The following MYO3A variants were observed in gnomAD, a reference collection of about 807,000 sequenced individuals.
MYO3A encodes the protein myosin IIIA, also known as myosin-IIIa.
In MYO3A, 180 loss-of-function variants were observed where a neutral mutation model predicts 192.7. That is an observed-to-expected ratio of 0.93 (90% CI 0.83 to 1.06). MYO3A has a LOEUF of 1.06. MYO3A is among the 50% of genes least tolerant of loss of function. The pLI, the probability that MYO3A is intolerant of heterozygous loss-of-function variation, is 0.00. For synonymous variants in MYO3A, 628 were observed against 645.3 expected (o/e 0.97, Z 0.41); for missense variants, 1,896 against 1,905.0 (o/e 1.00, Z 0.09).
chr10:26,202,614 A>G (rs1843725371), intron 33 of MYO3A: 1 of 275,408 alleles, frequency 3.6e-6, no homozygotes, highest in Non-Finnish European at 7.0e-6. Context: ...AGCTTTTCTG[A>G]TAATGGCCTA....
chr10:26,147,385 G>T, intron 22 of MYO3A, 45 bp from the exon 23 acceptor site: 1 of 1,555,276 alleles, frequency 6.4e-7, no homozygotes, highest in South Asian at 1.1e-5. Context: ...GGAGGAGGAT[G>T]ACAATGACAT....
rs958805051 is a variant in MYO3A at position 26,081,798 on chromosome 10, G to T, written c.1360-6405G>T. On this transcript the variant is annotated intron_variant, in intron 14 of 34. Coordinates refer to ENST00000642920, the MANE Select transcript of MYO3A (RefSeq NM_017433.5). ...CCAAATGGATTCAGTTCCGTGTAAA[G>T]CCAGAAACTTCTCCCACAAACAGAC... Among the ~76,000 whole-genome samples, 9 of 152,266 alleles carry T rather than the reference G, an allele frequency of 5.9e-5. No individual in the cohort carries two copies. In the South Asian group the frequency reaches 1.9e-3, roughly 32 times the overall value.
chr10:26,112,707 G>A (rs1262920023), intron 17 of MYO3A, among the ~76,000 whole-genome samples: 1 of 152,158 alleles, frequency 6.6e-6, no homozygotes, highest in African/African-American at 2.4e-5. Context: ...GTTCACGTGT[G>A]CATTTGTGAT....
intron 18 of MYO3A, among the ~76,000 whole-genome samples, chr10:26,122,086 C>T (rs1445293159): frequency 6.6e-6 from 1 of 152,112 alleles, no homozygotes; most frequent in African/African-American, 2.4e-5. Flanking sequence ...GAAAGAATAA[C>T]CCTACAACTC....
At position 26,145,494 on chromosome 10, in the gene MYO3A, G is replaced by T. The variant is rs753118301; in HGVS notation, c.2465G>T (p.Arg822Ile). 2 of 1,610,810 alleles carry T rather than the reference G, an allele frequency of 1.2e-6. No homozygotes were observed. Residue 822 changes from arginine (R) to isoleucine (I), a missense_variant, in exon 22 of 35, where the codon AGA becomes ATA. Transcript: ENST00000642920. ...LKSQYFWRPK[R>I]MELSFGIHHY... ...TCACAATACTTCTGGAGACCCAAAA[G>T]AATGGAACTTAGTTTTGGAATTCAC...
intron 30 of MYO3A, among the ~76,000 whole-genome samples, chr10:26,175,997 A>G (rs950463339): frequency 3.3e-5 from 5 of 152,180 alleles, no homozygotes; most frequent in African/African-American, 1.2e-4. Flanking sequence ...AAATCAGGGT[A>G]AAAGACTGGA....
intron 2 of MYO3A, among the ~76,000 whole-genome samples, chr10:25,948,104 G>A (rs1054694561): frequency 8.5e-5 from 13 of 152,160 alleles, no homozygotes; most frequent in Non-Finnish European, 1.6e-4. Flanking sequence ...AAGACTTGAA[G>A]GAAGTGAGGG....
chr10:26,001,427 T>G (rs1840804554), intron 6 of MYO3A, among the ~76,000 whole-genome samples: 1 of 152,244 alleles, frequency 6.6e-6, no homozygotes, highest in Admixed American at 6.5e-5. Flanking sequence ...CTGGGCCAGC[T>G]CTGCTGTGTC....
intron 28 of MYO3A, among the ~76,000 whole-genome samples, chr10:26,169,328 A>C (rs1378347552): frequency 6.6e-6 from 1 of 152,136 alleles, no homozygotes; most frequent in Non-Finnish European, 1.5e-5. Context: ...ACTTTACTTC[A>C]CATACTTTTA....
chr10:26,105,969 T>G (rs1252978030), intron 17 of MYO3A, among the ~76,000 whole-genome samples: 2 of 152,098 alleles, frequency 1.3e-5, no homozygotes, highest in African/African-American at 4.8e-5. Context: ...ATGCCTCTAT[T>G]TTAGCCATCA....
intron 31 of MYO3A, among the ~76,000 whole-genome samples, chr10:26,184,093 T>C (rs946343667): frequency 6.6e-6 from 1 of 152,110 alleles, no homozygotes; most frequent in African/African-American, 2.4e-5. Context: ...CCGTCGGTGC[T>C]AAAGGAAGGA....
intron 18 of MYO3A, among the ~76,000 whole-genome samples, chr10:26,121,700 G>A (rs543477598): frequency 2.0e-4 from 31 of 152,270 alleles, no homozygotes; most frequent in African/African-American, 7.2e-4. Flanking sequence ...GCAGTGAGCC[G>A]AGATCGTGCC....
intron 7 of MYO3A, among the ~76,000 whole-genome samples, chr10:26,018,640 C>T (rs539075250): frequency 2.5e-4 from 38 of 152,196 alleles, no homozygotes; most frequent in South Asian, 1.7e-3. Context: ...ATGAAGGTAA[C>T]AAGGGAATTA....
chr10:25,990,971 A>G (rs570125304), intron 4 of MYO3A, among the ~76,000 whole-genome samples: 2 of 152,058 alleles, frequency 1.3e-5, no homozygotes, highest in South Asian at 2.1e-4. Flanking sequence ...CGCAATAAAC[A>G]TATGTGTGCA....
intron 20 of MYO3A, among the ~76,000 whole-genome samples, chr10:26,132,668 T>TTG (rs1839608839): frequency 2.8e-5 from 1 of 35,724 alleles, no homozygotes; most frequent in Non-Finnish European, 7.6e-5. Context: ...TGAACTAAAG[T>TTG]TTTTTTTTTT....
At chr10:25,975,832 T>G (rs77078620) in intron 4 of MYO3A, among the ~76,000 whole-genome samples, 4,595 of 152,030 alleles carry the variant, frequency 0.03, 227 homozygotes, top group African/African-American at 0.1. Context: ...AGAATCAAAG[T>G]GGAAAAAAAT....
At chr10:26,014,903 T>C (rs1438120300) in intron 6 of MYO3A, among the ~76,000 whole-genome samples, 2 of 152,138 alleles carry the variant, frequency 1.3e-5, no homozygotes, top group Non-Finnish European at 2.9e-5. Flanking sequence ...TGAGCCACAA[T>C]AGAAAACACA....
intron 17 of MYO3A, 73 bp downstream of exon 17, chr10:26,096,755 G>T: frequency 9.5e-7 from 1 of 1,053,692 alleles, no homozygotes; most frequent in Non-Finnish European, 1.5e-6. Context: ...AGCATTTATT[G>T]AGTGATTAAT....
chr10:26,107,331 A>G (rs1050964560), intron 17 of MYO3A, among the ~76,000 whole-genome samples: 11 of 152,086 alleles, frequency 7.2e-5, no homozygotes, highest in African/African-American at 2.2e-4. Context: ...AATACAAAAA[A>G]TTAGCCAGGC....
Sources: gnomAD v4.1 joint callset for allele counts (sites outside exome capture counted in the v4.1 genomes callset) on GRCh38, gnomAD v4.1.1 for gene constraint, MANE v1.5 for transcripts, NCBI Gene and HGNC (gene_info 2026-07-23, HGNC 2026-07-21) for gene names.